Variants in TAFA2 observed in about 807,000 individuals in gnomAD.
TAFA2 encodes TAFA chemokine like family member 2.
Under a neutral mutation model 18.8 loss-of-function variants are expected in TAFA2, and 7 were observed. The ratio of observed to expected loss-of-function variants is 0.37; its 90% CI spans 0.21 to 0.70. The LOEUF is 0.70. TAFA2 is among the 30% of genes least tolerant of loss of function. The pLI is 0.53. For synonymous variants in TAFA2, 60 were observed against 54.2 expected, an observed-to-expected ratio of 1.11 and a Z score of -0.47; for missense variants, 122 against 158.1, an observed-to-expected ratio of 0.77 and a Z score of 1.23.
chr12:62,257,420 C>T (rs144450732), intron 1 of TAFA2, among the ~76,000 whole-genome samples: 8 of 152,036 alleles, frequency 5.3e-5, no homozygotes, highest in Admixed American at 2.0e-4. Flanking sequence ...CTAACTCTCT[C>T]CTGGAGTATT....
intron 1 of TAFA2, among the ~76,000 whole-genome samples, chr12:62,112,536 T>C (rs1173544138): frequency 6.6e-6 from 1 of 152,170 alleles, no homozygotes; most frequent in Non-Finnish European, 1.5e-5. Context: ...TGGCCTGTCT[T>C]TCTAGGCTGA....
At chr12:62,092,478 C>T (rs1868757951) in intron 1 of TAFA2, among the ~76,000 whole-genome samples, 1 of 151,940 alleles carries the variant, frequency 6.6e-6, no homozygotes, top group African/African-American at 2.4e-5. Flanking sequence ...ATAAATCCCA[C>T]AGTCAGTTCT....
chr12:62,021,896 CA>C (rs1283486754), intron 1 of TAFA2: 1 of 753,336 alleles, frequency 1.3e-6, no homozygotes, highest in African/African-American at 1.7e-5. Context: ...ACCATGACCT[CA>C]CAGCCTTTGG....
intron 1 of TAFA2, among the ~76,000 whole-genome samples, chr12:62,187,243 T>C (rs1342585598): frequency 6.6e-6 from 1 of 152,124 alleles, no homozygotes; most frequent in African/African-American, 2.4e-5. Flanking sequence ...TTTGCATTTG[T>C]AGCCTAGTAA....
chr12:61,744,109 T>A (rs991749871), intron 4 of TAFA2, among the ~76,000 whole-genome samples: 2 of 152,120 alleles, frequency 1.3e-5, no homozygotes, highest in African/African-American at 2.4e-5. Flanking sequence ...CCTGACAGAA[T>A]TTTATCTATC....
rs150653111 is a variant in TAFA2, at chr12:61,808,349, C to G, written c.107-53325G>C. On this transcript the variant is annotated intron_variant, in intron 2 of 4. Transcript: ENST00000416284. The stretch of plus-strand genomic sequence containing the variant: ...TCCGCACCAAATGGTCAATAAACCT[C>G]TTTTCTGTAAGTCCAATAAACCTTT... Among the ~76,000 whole-genome samples the G allele has an allele frequency of 1.3e-4, 20 of 151,638 alleles. 1 individual carries two copies. Among genetic ancestry groups the G allele is most frequent in the African/African-American group, 4.6e-4 (19 of 40,904 alleles).
chr12:61,893,064 C>G (rs1472968617), intron 1 of TAFA2, among the ~76,000 whole-genome samples: 1 of 151,900 alleles, frequency 6.6e-6, no homozygotes, highest in East Asian at 1.9e-4. Context: ...AAAGGTGGAA[C>G]AGAGGAAAAA....
chr12:61,715,469 C>T (rs1432432432), intron 4 of TAFA2, among the ~76,000 whole-genome samples: 1 of 152,040 alleles, frequency 6.6e-6, no homozygotes, highest in Admixed American at 6.6e-5. Context: ...CTGCCTCAGC[C>T]TCCCGAGTAG....
chr12:61,754,805 T>C, intron 3 of TAFA2, 67 bp downstream of exon 3: 1 of 1,531,360 alleles, frequency 6.5e-7, no homozygotes, highest in Non-Finnish European at 8.9e-7. Flanking sequence ...GAGAGCATTA[T>C]AGTGGGGTTC....
chr12:62,097,943 C>T (rs78068897), intron 1 of TAFA2, among the ~76,000 whole-genome samples: 2,166 of 152,190 alleles, frequency 0.014, 19 homozygotes, highest in Non-Finnish European at 0.022. Flanking sequence ...TGAAGCTGAA[C>T]CCCGGAAAAC....
intron 1 of TAFA2, among the ~76,000 whole-genome samples, chr12:62,033,742 C>T (rs1407277488): frequency 6.6e-6 from 1 of 151,818 alleles, no homozygotes; most frequent in East Asian, 1.9e-4. Context: ...TATGAGTGTT[C>T]AGCCTGAGAT....
intron 1 of TAFA2, among the ~76,000 whole-genome samples, chr12:62,093,528 A>AG (rs1388513530): frequency 6.6e-6 from 1 of 152,064 alleles, no homozygotes; most frequent in African/African-American, 2.4e-5. Flanking sequence ...AAAACAAAGA[A>AG]TCAGCAAGAC....
chr12:62,198,292 G>C (rs2062657258), intron 1 of TAFA2: 1 of 152,132 alleles, frequency 6.6e-6, no homozygotes, highest in Admixed American at 6.5e-5. Context: ...GTTTGGCTTG[G>C]TTTTGTTCTT....
chr12:61,938,672 T>C (rs1877874140), intron 1 of TAFA2, among the ~76,000 whole-genome samples: 1 of 152,130 alleles, frequency 6.6e-6, no homozygotes, highest in Non-Finnish European at 1.5e-5. Flanking sequence ...CATTGACCAA[T>C]GAGTGAATAA....
intron 1 of TAFA2, among the ~76,000 whole-genome samples, chr12:62,257,142 G>GTA (rs1162330680): frequency 0.022 from 227 of 10,532 alleles, 3 homozygotes; most frequent in African/African-American, 0.064. Context: ...ATGTACATGT[G>GTA]TATATATATA....
chr12:62,091,112 A>T (rs1024163971), intron 1 of TAFA2, among the ~76,000 whole-genome samples: 1 of 152,002 alleles, frequency 6.6e-6, no homozygotes, highest in Admixed American at 6.6e-5. Flanking sequence ...TCCTTTTCTT[A>T]TCTCAGGTGC....
At chr12:62,139,301 C>T (rs1555193329) in intron 1 of TAFA2, among the ~76,000 whole-genome samples, 1 of 152,140 alleles carries the variant, frequency 6.6e-6, no homozygotes, top group Non-Finnish European at 1.5e-5. Context: ...AATGAGTACA[C>T]CTTACTGAAT....
At chr12:61,912,863 A>G (rs536622159) in intron 1 of TAFA2, among the ~76,000 whole-genome samples, 1 of 152,314 alleles carries the variant, frequency 6.6e-6, no homozygotes, top group African/African-American at 2.4e-5. Flanking sequence ...GATCTTAGTT[A>G]GCTTGTGTAA....
intron 1 of TAFA2, among the ~76,000 whole-genome samples, chr12:62,077,736 T>C (rs539651767): frequency 4.9e-4 from 74 of 152,314 alleles, no homozygotes; most frequent in African/African-American, 1.7e-3. Context: ...AGAGTTCTTT[T>C]CTTATTATGC....
Sources: allele counts gnomAD v4.1 joint callset (sites outside exome capture counted in the v4.1 genomes callset), GRCh38; gene constraint gnomAD v4.1.1; transcripts MANE v1.5; gene names NCBI Gene and HGNC (gene_info 2026-07-23, HGNC 2026-07-21).